Variants in SCP2 observed in about 807,000 individuals in gnomAD.
The protein encoded by SCP2 is sterol carrier protein 2, also known as SCP-2/3-oxoacyl-CoA thiolase.
A neutral mutation model predicts 71.4 loss-of-function variants in SCP2; 48 were observed. The ratio of observed to expected loss-of-function variants is 0.67; its 90% CI spans 0.53 to 0.86. The LOEUF is 0.86. Ranked by LOEUF, SCP2 falls within the 40% of genes least tolerant of loss-of-function variation. The pLI, the probability that SCP2 is intolerant of heterozygous loss-of-function variation, is 0.00. For synonymous variants in SCP2, 220 were observed against 218.1 expected (o/e 1.01, Z -0.08); for missense variants, 560 against 655.6 (o/e 0.85, Z 1.59).
Position 52,980,618 on chromosome 1 carries a change from G to A in SCP2, c.973+75G>A, listed in dbSNP as rs144066222. ...ACTTCACTTTGACCGTTAGATAAAA[G>A]AATTCACTATTCACTTTTCCCTTAA... is the stretch of plus-strand genomic sequence containing the variant. On this transcript the variant is annotated intron_variant, in intron 10 of 15. Transcript: ENST00000371514. 1.0e-4 allele frequency: 144 copies of A among 1,377,924 alleles called. No homozygotes were observed. The African/African-American group carries it at 1.7e-3, about 17-fold the overall frequency. The allele number at this position is 1,377,924 out of a possible 1,614,324, so 85.4% of individuals were successfully genotyped here. A position where few individuals can be genotyped will look rare whatever the true frequency, so the allele number is the denominator to read the frequency against.
intron 11 of SCP2, among the ~76,000 whole-genome samples, chr1:53,011,430 C>T (rs1457035723): frequency 6.6e-6 from 1 of 152,136 alleles, no homozygotes; most frequent in East Asian, 1.9e-4. Context: ...CCTCTGTTAT[C>T]TTTAACATTT....
At chr1:52,935,462 C>T (rs1318153814) in intron 1 of SCP2, among the ~76,000 whole-genome samples, 7 of 151,382 alleles carry the variant, frequency 4.6e-5, no homozygotes, top group African/African-American at 9.7e-5. Context: ...TGGTGGTGGA[C>T]GCCTGTAATC....
At chr1:52,937,658 T>C (rs1388623423) in intron 1 of SCP2, among the ~76,000 whole-genome samples, 2 of 152,226 alleles carry the variant, frequency 1.3e-5, no homozygotes, top group African/African-American at 4.8e-5. Context: ...TTCAAACTTT[T>C]GTGACCCATT....
chr1:53,007,485 G>A lies in SCP2; in HGVS notation c.1082-7405G>A, dbSNP rs545625628. Among the ~76,000 whole-genome samples, 168 of 152,176 alleles carry A rather than the reference G, an allele frequency of 1.1e-3. 1 individual carries two copies. Among genetic ancestry groups the A allele is most frequent in the Admixed American group, 3.3e-3 (51 of 15,276 alleles). ...AGGATTAAGAAACTCACTCAAAACC[G>A]CTCAACTACATGGAAACTGAACAGC... On this transcript the variant is annotated intron_variant, in intron 11 of 15. Coordinates refer to ENST00000371514, the MANE Select transcript of SCP2 (RefSeq NM_002979.5).
intron 11 of SCP2, among the ~76,000 whole-genome samples, chr1:52,991,251 A>C (rs1430008665): frequency 6.6e-6 from 1 of 152,190 alleles, no homozygotes; most frequent in Non-Finnish European, 1.5e-5. Flanking sequence ...TATGTATGTA[A>C]AGTATATAGT....
rs569203863 is a variant in SCP2 at position 52,957,996 on chromosome 1, C to G, written c.396+3192C>G. On this transcript the variant is annotated intron_variant, in intron 5 of 15. Coordinates refer to ENST00000371514, the MANE Select transcript of SCP2 (RefSeq NM_002979.5). Reference sequence around the variant, plus strand: ...GGATTCATTATTTTCATGTGGATGTCCAGTTGTCCTAGCACCATTTGTTGA... The same window carrying G: ...GGATTCATTATTTTCATGTGGATGTGCAGTTGTCCTAGCACCATTTGTTGA... 9.2e-5 allele frequency among the ~76,000 whole-genome samples: 14 copies of G among 151,930 alleles called. No homozygotes were observed. The East Asian group carries it at 2.5e-3, about 27-fold the overall frequency.
At chr1:53,007,870 A>G (rs1660730532) in intron 11 of SCP2, among the ~76,000 whole-genome samples, 1 of 152,234 alleles carries the variant, frequency 6.6e-6, no homozygotes, top group African/African-American at 2.4e-5. Context: ...AACAAAATTG[A>G]TAGACCGCTA....
chr1:52,974,817 A>G lies in SCP2; in HGVS notation c.572A>G (p.His191Arg), dbSNP rs372168791. Residue 191 changes from histidine to arginine, a missense_variant, in exon 7 of 16, where the codon CAT becomes CGT. His to Arg is a conservative substitution (Grantham distance 29). Transcript: ENST00000371514. ...AAAATTGGATGGAAAAATCATAAAC[A>G]TTCAGTTAATAACCCGTAAGTATTT... The part of the protein sequence containing the change: ...FAKIGWKNHK[H>R]SVNNPYSQFQ... 2.8e-5 allele frequency: 42 copies of G among 1,504,400 alleles called. No homozygotes were observed. The highest frequency in any genetic ancestry group is 3.6e-5 in the Non-Finnish European group (39 of 1,080,068). 93.2% of individuals were successfully genotyped at this position (1,504,400 alleles called of 1,614,324 possible). A position where few individuals can be genotyped will look rare whatever the true frequency, so the allele number is the denominator to read the frequency against.
At chr1:53,006,298 G>A (rs980843375) in intron 11 of SCP2, among the ~76,000 whole-genome samples, 2 of 152,030 alleles carry the variant, frequency 1.3e-5, no homozygotes, top group Non-Finnish European at 2.9e-5. Flanking sequence ...GATACTCCTC[G>A]AGAAGAGCAA....
intron 11 of SCP2, chr1:52,995,707 C>T: frequency 1.3e-6 from 1 of 754,490 alleles, no homozygotes. Flanking sequence ...AGAACAGCAG[C>T]TACTTTGTGG....
At chr1:53,022,133 C>T (rs1456259039) in intron 12 of SCP2, among the ~76,000 whole-genome samples, 1 of 152,108 alleles carries the variant, frequency 6.6e-6, no homozygotes, top group Non-Finnish European at 1.5e-5. Flanking sequence ...ATTAGTAATC[C>T]CTCCTTCTTG....
At chr1:53,046,603 A>G (rs1663837424) in intron 14 of SCP2, among the ~76,000 whole-genome samples, 1 of 152,068 alleles carries the variant, frequency 6.6e-6, no homozygotes, top group African/African-American at 2.4e-5. Context: ...TTCTTCATAT[A>G]GTCTGTATAT....
intron 13 of SCP2, among the ~76,000 whole-genome samples, chr1:53,029,266 GT>G (rs201716383): frequency 0.17 from 23,218 of 140,224 alleles, 2,348 homozygotes; most frequent in African/African-American, 0.3. Context: ...ATCTCTTTCT[GT>G]TTTTTTTTTT....
At chr1:52,982,431 A>C (rs917808551) in intron 10 of SCP2, among the ~76,000 whole-genome samples, 5 of 152,178 alleles carry the variant, frequency 3.3e-5, no homozygotes, top group East Asian at 1.9e-4. Context: ...TTAGCCGGGC[A>C]TGGTGTTGGG....
chr1:53,009,461 G>T (rs140396709), intron 11 of SCP2, among the ~76,000 whole-genome samples: 5 of 152,028 alleles, frequency 3.3e-5, no homozygotes, highest in Non-Finnish European at 7.3e-5. Context: ...AGAGCCCTGA[G>T]AAATAATACC....
chr1:52,970,508 C>T (rs1374245912), intron 6 of SCP2, among the ~76,000 whole-genome samples: 3 of 152,130 alleles, frequency 2.0e-5, no homozygotes, highest in Non-Finnish European at 4.4e-5. Context: ...TACTCAATTG[C>T]ACCAAAAGGG....
At chr1:52,955,511 CAG>C (rs961006646) in intron 5 of SCP2, among the ~76,000 whole-genome samples, 7 of 151,718 alleles carry the variant, frequency 4.6e-5, no homozygotes, top group Non-Finnish European at 1.0e-4. Context: ...TCCAGTAAAA[CAG>C]GGGAGGAAAA....
rs113362218 is a variant in SCP2, at chr1:52,953,208, A to G, written c.332-1532A>G. ...TTCATTTTTTAGTTTTTAATTTCAA[A>G]TTTTAAATGTTTTTCTAAATGTGAT... On this transcript the variant is annotated intron_variant, in intron 4 of 15. Transcript: ENST00000371514. Among the ~76,000 whole-genome samples, 1,158 of 152,076 alleles carry G rather than the reference A, an allele frequency of 7.6e-3. 13 individuals carry two copies. Among genetic ancestry groups the G allele is most frequent in the African/African-American group, 0.025 (1,046 of 41,510 alleles).
At chr1:53,037,924 A>AC (rs1663107389) in intron 13 of SCP2, among the ~76,000 whole-genome samples, 2 of 130,214 alleles carry the variant, frequency 1.5e-5, no homozygotes, top group South Asian at 2.8e-4. Flanking sequence ...ACACACACAC[A>AC]CACACAGATC....
Sources: gnomAD v4.1 joint callset for allele counts (sites outside exome capture counted in the v4.1 genomes callset) on GRCh38, gnomAD v4.1.1 for gene constraint, MANE v1.5 for transcripts, NCBI Gene and HGNC (gene_info 2026-07-23, HGNC 2026-07-21) for gene names.